Variants in RNF216 observed in about 807,000 individuals in gnomAD.
The protein encoded by RNF216 is E3 ubiquitin-protein ligase RNF216.
In RNF216, 72 loss-of-function variants were observed where a neutral mutation model predicts 110.8. The observed-to-expected ratio is 0.65, with a 90% CI of 0.54 to 0.79. The LOEUF (loss-of-function observed/expected upper bound fraction) is 0.79. Among genes scored for constraint, RNF216 ranks in the 30% least tolerant of loss-of-function variants. The pLI, the probability that RNF216 is intolerant of heterozygous loss-of-function variation, is 0.00. For synonymous variants in RNF216, 495 were observed against 407.5 expected, an observed-to-expected ratio of 1.21 and a Z score of -2.59; for missense variants, 1,342 against 1,141.2, an observed-to-expected ratio of 1.18 and a Z score of -2.54.
chr7:5,739,424 G>T, intron 4 of RNF216, 72 bp from the exon 5 acceptor site: 1 of 1,431,026 alleles, frequency 7.0e-7, no homozygotes, highest in South Asian at 1.2e-5. Flanking sequence ...CAAGACAGAT[G>T]GCAAAAAGTA....
rs138647737 is a variant in RNF216, at chr7:5,760,953, T to C, written c.67+50A>G. 8.0e-4 allele frequency: 1,137 copies of C among 1,422,902 alleles called. 9 individuals are homozygous for C. The African/African-American group carries it at 0.014, about 18-fold the overall frequency. 88.1% of individuals were successfully genotyped at this position (1,422,902 alleles called of 1,614,324 possible). On this transcript the variant is annotated intron_variant, in intron 2 of 16. Transcript: ENST00000389902. Reference sequence around the variant, plus strand: ...ATTTCAAAAGATACAGCTGTGATACTAAAAGAAAAAGCCACAGGGAAAGGG... The same window carrying C: ...ATTTCAAAAGATACAGCTGTGATACCAAAAGAAAAAGCCACAGGGAAAGGG...
intron 13 of RNF216, among the ~76,000 whole-genome samples, chr7:5,657,976 G>C (rs1788851981): frequency 6.6e-6 from 1 of 152,220 alleles, no homozygotes; most frequent in Admixed American, 6.5e-5. Context: ...CTCAAGGAGT[G>C]CACTCTACTG....
chr7:5,703,010 C>A lies in RNF216; in HGVS notation c.2061+8751G>T, dbSNP rs370438662. Among the ~76,000 whole-genome samples, 8 of 152,274 alleles carry A rather than the reference C, an allele frequency of 5.3e-5. No homozygotes were observed. In the East Asian group the frequency reaches 1.5e-3, roughly 29 times the overall value. On this transcript the variant is annotated intron_variant, in intron 13 of 16. Transcript: ENST00000389902. The stretch of plus-strand genomic sequence containing the variant: ...ATACCTGTAAGGGAGCGTCCTTCTG[C>A]GGCCTGAACCTGAAGCTCTTCAGAG...
chr7:5,734,802 C>T (rs1011814332), intron 5 of RNF216, among the ~76,000 whole-genome samples: 3 of 143,002 alleles, frequency 2.1e-5, no homozygotes, highest in Non-Finnish European at 4.6e-5. Flanking sequence ...CCAGCTTGGG[C>T]GACAAGGGCA....
At chr7:5,714,763 C>T (rs1374426061) in intron 11 of RNF216, among the ~76,000 whole-genome samples, 1 of 80,108 alleles carries the variant, frequency 1.2e-5, no homozygotes, top group Non-Finnish European at 3.3e-5. Flanking sequence ...CTGCAAGGTT[C>T]TCTCTTTCTG....
chr7:5,655,300 C>A (rs1788665577), intron 13 of RNF216, among the ~76,000 whole-genome samples: 1 of 152,106 alleles, frequency 6.6e-6, no homozygotes. Context: ...TACTGAAGGG[C>A]CCGAGGGTCC....
chr7:5,779,144 T>C (rs1796937045), intron 1 of RNF216, among the ~76,000 whole-genome samples: 2 of 152,258 alleles, frequency 1.3e-5, no homozygotes, highest in African/African-American at 4.8e-5. Context: ...GCCTAGAATT[T>C]TGTAAACACA....
chr7:5,740,890 C>CA, intron 4 of RNF216, 83 bp downstream of exon 4: 2 of 1,116,798 alleles, frequency 1.8e-6, no homozygotes, highest in Non-Finnish European at 2.4e-6. Flanking sequence ...ATACCAACAA[C>CA]TTTTTTTTTT....
At chr7:5,739,023 G>C (rs1051329709) in intron 5 of RNF216, among the ~76,000 whole-genome samples, 14 of 152,162 alleles carry the variant, frequency 9.2e-5, no homozygotes, top group African/African-American at 3.1e-4. Context: ...AATCCATATA[G>C]AAAGAAAGTA....
At chr7:5,626,522 G>C (rs1017447587) in intron 15 of RNF216, among the ~76,000 whole-genome samples, 44 of 151,912 alleles carry the variant, frequency 2.9e-4, no homozygotes, top group African/African-American at 1.0e-3. Context: ...TTTGAGACCA[G>C]CCTGGGCAAC....
Position 5,620,576 on chromosome 7 carries a change from T to C in RNF216, c.*2284A>G, listed in dbSNP as rs1016344969. ...TCCCCCGTGCCTGGCTCGGGGAGGATCCTCAGGAATCAGGGACCCTCCAAG... is the reference window on the plus strand; with the variant it reads ...TCCCCCGTGCCTGGCTCGGGGAGGACCCTCAGGAATCAGGGACCCTCCAAG... On this transcript the variant is annotated 3_prime_UTR_variant, in exon 17 of 17. Coordinates refer to ENST00000389902, the MANE Select transcript of RNF216 (RefSeq NM_207111.4). 2 of 152,236 alleles carry C rather than the reference T, an allele frequency of 1.3e-5. No individual in the cohort carries two copies. The highest frequency in any genetic ancestry group is 6.5e-5 in the Admixed American group (1 of 15,268). 9.4% of individuals were successfully genotyped at this position (152,236 alleles called of 1,614,324 possible). A position where few individuals can be genotyped will look rare whatever the true frequency, so the allele number is the denominator to read the frequency against.
At chr7:5,769,807 T>C (rs568744152) in intron 1 of RNF216, among the ~76,000 whole-genome samples, 9 of 148,126 alleles carry the variant, frequency 6.1e-5, no homozygotes, top group South Asian at 4.3e-4. Flanking sequence ...GAGGCCAAGA[T>C]AGACGGATCA....
chr7:5,651,552 C>T (rs757094882), intron 14 of RNF216, among the ~76,000 whole-genome samples: 3 of 152,038 alleles, frequency 2.0e-5, no homozygotes, highest in African/African-American at 2.4e-5. Context: ...CTCTGAATAA[C>T]GTCAGGAGAT....
intron 10 of RNF216, 104 bp from the exon 11 acceptor site, chr7:5,715,294 G>A: frequency 8.2e-7 from 1 of 1,224,406 alleles, no homozygotes; most frequent in Non-Finnish European, 1.1e-6. Context: ...CAAATTCTGA[G>A]GTAAAGCAAC....
At chr7:5,679,174 C>T (rs560009045) in intron 13 of RNF216, among the ~76,000 whole-genome samples, 1 of 152,266 alleles carries the variant, frequency 6.6e-6, no homozygotes, top group Admixed American at 6.5e-5. Flanking sequence ...CAGGAGGATC[C>T]TGTCACCCTC....
At position 5,739,172 on chromosome 7, in the gene RNF216, A is replaced by C. The variant is rs114541456; in HGVS notation, c.1121+104T>G. On this transcript the variant is annotated intron_variant, in intron 5 of 16. Coordinates refer to ENST00000389902, the MANE Select transcript of RNF216 (RefSeq NM_207111.4). The stretch of plus-strand genomic sequence containing the variant: ...CATAATAATGTGAATTTACTTAACA[A>C]CACCAAATTGTATATTTAAAAATGA... The C allele has an allele frequency of 3.9e-3, 5,139 of 1,315,410 alleles. 57 individuals carry two copies. The highest frequency in any genetic ancestry group is 0.037 in the African/African-American group (2,495 of 66,656). The allele number at this position is 1,315,410 out of a possible 1,614,324, so 81.5% of individuals were successfully genotyped here. A position where few individuals can be genotyped will look rare whatever the true frequency, so the allele number is the denominator to read the frequency against.
intron 13 of RNF216, among the ~76,000 whole-genome samples, chr7:5,655,561 G>A (rs1788686818): frequency 6.6e-6 from 1 of 151,910 alleles, no homozygotes; most frequent in Non-Finnish European, 1.5e-5. Context: ...AGCAGAGATC[G>A]CACCACTGCA....
chr7:5,721,437 T>A (rs1482412525), intron 8 of RNF216, among the ~76,000 whole-genome samples: 3 of 152,240 alleles, frequency 2.0e-5, no homozygotes, highest in African/African-American at 7.2e-5. Context: ...GTGTACTATG[T>A]GAATATACCA....
chr7:5,669,041 A>G (rs1789723550), intron 13 of RNF216, among the ~76,000 whole-genome samples: 1 of 152,202 alleles, frequency 6.6e-6, no homozygotes. Context: ...TAATATTATA[A>G]AGAGCATTAG....
Sources: gnomAD v4.1 joint callset for allele counts (sites outside exome capture counted in the v4.1 genomes callset) on GRCh38, gnomAD v4.1.1 for gene constraint, MANE v1.5 for transcripts, NCBI Gene and HGNC (gene_info 2026-07-23, HGNC 2026-07-21) for gene names.